The following DCAF8L2 variants were observed in gnomAD, a reference collection of about 807,000 sequenced individuals.
DCAF8L2 encodes the protein DDB1 and CUL4 associated factor 8 like 2.
For missense variants in DCAF8L2, 430 were observed against 490.7 expected (o/e 0.88, Z 1.17); for synonymous variants, 200 against 190.9 (o/e 1.05, Z -0.39).
At chrX:27,665,189 A>G (rs779023129) in intron 2 of DCAF8L2, among the ~76,000 whole-genome samples, 80 of 110,755 alleles carry the variant, frequency 7.2e-4, no homozygotes, top group Middle Eastern at 4.6e-3. Flanking sequence ...AAAAGTATTC[A>G]TAAGTCATGG....
chrX:27,717,600 T>C (rs1931746807), intron 4 of DCAF8L2, among the ~76,000 whole-genome samples: 1 of 112,304 alleles, frequency 8.9e-6, no homozygotes, highest in Admixed American at 9.4e-5. Flanking sequence ...TGTAAATGTG[T>C]TTGAGTTTCT....
At chrX:27,479,381 C>T in the DCAF8L2 span, among the ~76,000 whole-genome samples, 1 of 111,191 alleles carries the variant, frequency 9.0e-6, no homozygotes, top group Admixed American at 9.6e-5. Flanking sequence ...ATATAAGCTG[C>T]ACCCGGATTC....
chrX:27,614,419 A>AT (rs1927355463), intron 1 of DCAF8L2, among the ~76,000 whole-genome samples: 1 of 110,300 alleles, frequency 9.1e-6, no homozygotes, highest in Non-Finnish European at 1.9e-5. Context: ...GGATTCATTG[A>AT]TTTTTTGAAG....
At chrX:27,565,300 T>C in the DCAF8L2 span, among the ~76,000 whole-genome samples, 2 of 111,429 alleles carry the variant, frequency 1.8e-5, no homozygotes, top group African/African-American at 6.5e-5. Context: ...TCTGAGTCTA[T>C]TGAGATGATT....
At chrX:27,656,711 A>G (rs752732526) in intron 2 of DCAF8L2, among the ~76,000 whole-genome samples, 4 of 111,822 alleles carry the variant, frequency 3.6e-5, no homozygotes, top group African/African-American at 6.5e-5. Flanking sequence ...TCTTAGGATT[A>G]GCAGAGGCAT....
chrX:27,548,134 G>A, the DCAF8L2 span, among the ~76,000 whole-genome samples: 1 of 110,417 alleles, frequency 9.1e-6, no homozygotes, highest in Non-Finnish European at 1.9e-5. Flanking sequence ...GAGTAAGGGA[G>A]AATTGACAGA....
chrX:27,707,679 C>A (rs1308733526), intron 3 of DCAF8L2, among the ~76,000 whole-genome samples: 1 of 111,480 alleles, frequency 9.0e-6, no homozygotes, highest in African/African-American at 3.3e-5. Context: ...CACTAGGATG[C>A]TAATCAGCCT....
the DCAF8L2 span, among the ~76,000 whole-genome samples, chrX:27,569,546 C>A: frequency 2.7e-5 from 3 of 112,083 alleles, no homozygotes; most frequent in Non-Finnish European, 5.6e-5. Context: ...AAGATCCATA[C>A]ACTTTCTTGT....
chrX:27,543,702 TA>T, the DCAF8L2 span, among the ~76,000 whole-genome samples: 2 of 111,176 alleles, frequency 1.8e-5, no homozygotes, highest in Non-Finnish European at 3.8e-5. Flanking sequence ...TTTTAGGTTT[TA>T]TGACTGGCTT....
the DCAF8L2 span, chrX:27,519,173 T>C: frequency 1.8e-6 from 2 of 1,127,631 alleles, no homozygotes; most frequent in East Asian, 3.0e-5. Flanking sequence ...AAGGAAAGAA[T>C]AGAACGTGAA....
the DCAF8L2 span, among the ~76,000 whole-genome samples, chrX:27,545,781 G>T: frequency 8.9e-6 from 1 of 111,918 alleles, no homozygotes; most frequent in East Asian, 2.8e-4. Flanking sequence ...CAATCATAGT[G>T]GAAGGGGAAG....
chrX:27,553,440 G>C, the DCAF8L2 span, among the ~76,000 whole-genome samples: 1 of 111,072 alleles, frequency 9.0e-6, no homozygotes, highest in East Asian at 2.8e-4. Flanking sequence ...CCGGTGTTGG[G>C]TGCATATGTG....
At chrX:27,743,215 T>C (rs1434998646) in intron 4 of DCAF8L2, among the ~76,000 whole-genome samples, 1 of 108,936 alleles carries the variant, frequency 9.2e-6, no homozygotes, top group Non-Finnish European at 1.9e-5. Context: ...GCCTCCCGGG[T>C]AGCTGGGACT....
At chrX:27,562,776 C>T in the DCAF8L2 span, among the ~76,000 whole-genome samples, 31 of 111,902 alleles carry the variant, frequency 2.8e-4, no homozygotes, top group East Asian at 2.8e-4. Context: ...CAGAAGTATG[C>T]GACTTTGATA....
At chrX:27,511,656 G>A in the DCAF8L2 span, among the ~76,000 whole-genome samples, 1 of 112,192 alleles carries the variant, frequency 8.9e-6, no homozygotes, top group Non-Finnish European at 1.9e-5. Context: ...CCACTTGATT[G>A]CATAGCAACC....
At chrX:27,553,491 TCATTATATA>T in the DCAF8L2 span, among the ~76,000 whole-genome samples, 10,410 of 111,200 alleles carry the variant, frequency 0.094, 388 homozygotes, top group Non-Finnish European at 0.12. Context: ...GATTCCTTTG[TCATTATATA>T]ATGACCTTCT....
At position 27,738,446 on chromosome X, in the gene DCAF8L2, C is replaced by T. The variant is rs186986406; in HGVS notation, c.-58-8392C>T. On this transcript the variant is annotated intron_variant, in intron 4 of 4. Coordinates refer to ENST00000451261, the MANE Select transcript of DCAF8L2 (RefSeq NM_001353450.2). ...TATATTTGCCATTTCCATCTTCTTC[C>T]TCATGTCCTTAATTCCCTTTTAAAT... 2.4e-3 allele frequency among the ~76,000 whole-genome samples: 262 copies of T among 111,297 alleles called. 1 individual carries two copies. The highest frequency in any genetic ancestry group is 7.7e-3 in the African/African-American group (235 of 30,651).
intron 1 of DCAF8L2, among the ~76,000 whole-genome samples, chrX:27,616,345 G>A (rs1167905264): frequency 1.8e-5 from 2 of 109,640 alleles, no homozygotes; most frequent in Admixed American, 2.0e-4. Flanking sequence ...CCAAAATATC[G>A]ACCATCAGTC....
intron 3 of DCAF8L2, among the ~76,000 whole-genome samples, chrX:27,711,675 A>G (rs1931539770): frequency 9.1e-6 from 1 of 110,495 alleles, no homozygotes; most frequent in African/African-American, 3.3e-5. Context: ...GCAGTTTTTT[A>G]TAATATCATT....
Sources: gnomAD v4.1 joint callset for allele counts (sites outside exome capture counted in the v4.1 genomes callset) on GRCh38, gnomAD v4.1.1 for gene constraint, MANE v1.5 for transcripts, NCBI Gene and HGNC (gene_info 2026-07-23, HGNC 2026-07-21) for gene names.